Variants in DGKI observed in about 807,000 individuals in gnomAD.
DGKI encodes DAG kinase iota.
DGKI carries 55 observed loss-of-function variants against 147.5 expected under a neutral mutation model. The ratio of observed to expected loss-of-function variants is 0.37; its 90% CI spans 0.30 to 0.47. The LOEUF (loss-of-function observed/expected upper bound fraction) is 0.47, where lower values mean the gene tolerates loss of function less well. Among genes scored for constraint, DGKI ranks in the 20% least tolerant of loss-of-function variants. The pLI is 1.00. For missense variants in DGKI, 1,007 were observed against 1,323.8 expected, an observed-to-expected ratio of 0.76 and a Z score of 3.71; for synonymous variants, 469 against 477.1, an observed-to-expected ratio of 0.98 and a Z score of 0.22.
chr7:137,766,655 C>G (rs898876910), intron 1 of DGKI, among the ~76,000 whole-genome samples: 1 of 152,126 alleles, frequency 6.6e-6, no homozygotes, highest in African/African-American at 2.4e-5. Flanking sequence ...TCAGCACACC[C>G]AGGGCAGGAC....
intron 1 of DGKI, among the ~76,000 whole-genome samples, chr7:137,833,598 T>G (rs998045216): frequency 2.6e-5 from 4 of 152,170 alleles, no homozygotes; most frequent in African/African-American, 9.7e-5. Context: ...ACCTATGCTT[T>G]GAATAAAGAC....
At chr7:137,820,195 G>A (rs1190692248) in intron 1 of DGKI, among the ~76,000 whole-genome samples, 1 of 152,158 alleles carries the variant, frequency 6.6e-6, no homozygotes, top group Non-Finnish European at 1.5e-5. Context: ...GAAAAAAGAT[G>A]AAGGATGCTA....
intron 1 of DGKI, among the ~76,000 whole-genome samples, chr7:137,756,728 G>A (rs1795694923): frequency 6.6e-6 from 1 of 152,038 alleles, no homozygotes; most frequent in South Asian, 2.1e-4. Flanking sequence ...AAAAAAATTA[G>A]TTCCAATTTT....
At chr7:137,821,220 G>A (rs977092935) in intron 1 of DGKI, among the ~76,000 whole-genome samples, 3 of 152,264 alleles carry the variant, frequency 2.0e-5, no homozygotes, top group Admixed American at 1.3e-4. Flanking sequence ...CTTCACGTCC[G>A]TAGTTACTGA....
At position 137,552,380 on chromosome 7, in the gene DGKI, A is replaced by C; in HGVS notation, c.2136T>G (p.Pro712=). The C allele has an allele frequency of 6.2e-7, 1 of 1,613,138 alleles. No individual in the cohort carries two copies. Among genetic ancestry groups the C allele is most frequent in the Non-Finnish European group, 8.5e-7 (1 of 1,180,026 alleles). The change falls in exon 20 of 33, where the codon CCT becomes CCG. Residue 712 remains proline, a synonymous_variant. Coordinates refer to ENST00000614521, the MANE Select transcript of DGKI (RefSeq NM_001321708.2). ...ATGAGCAGACTCACTCATTGAGTAA[A>C]GGCATGGATGTTCTCCTCTTGCTCT... ...VQKSKRRTSM[P]LLNDPQSVPD...
intron 3 of DGKI, among the ~76,000 whole-genome samples, chr7:137,666,702 G>C (rs1412583866): frequency 6.6e-6 from 1 of 152,134 alleles, no homozygotes; most frequent in East Asian, 1.9e-4. Flanking sequence ...GATACTCACT[G>C]TGCCCCTCCA....
intron 1 of DGKI, among the ~76,000 whole-genome samples, chr7:137,736,067 A>G (rs1053003034): frequency 1.3e-5 from 2 of 152,062 alleles, no homozygotes; most frequent in Non-Finnish European, 2.9e-5. Flanking sequence ...AAGCCACTCA[A>G]CATTGGTAAA....
At chr7:137,409,248 T>C (rs1443749373) in intron 29 of DGKI, among the ~76,000 whole-genome samples, 1 of 152,184 alleles carries the variant, frequency 6.6e-6, no homozygotes, top group Non-Finnish European at 1.5e-5. Flanking sequence ...AAAAATACTT[T>C]CTTAAAAAAA....
intron 30 of DGKI, among the ~76,000 whole-genome samples, chr7:137,400,836 C>A (rs1173237911): frequency 1.3e-5 from 2 of 152,196 alleles, no homozygotes; most frequent in South Asian, 2.1e-4. Flanking sequence ...ATTCTCCCAT[C>A]AACATAGATA....
Position 137,401,542 on chromosome 7 carries a change from T to C in DGKI, c.2921-4129A>G, listed in dbSNP as rs79633055. 2.8e-3 allele frequency among the ~76,000 whole-genome samples: 433 copies of C among 152,062 alleles called. 5 individuals are homozygous for C. The highest frequency in any genetic ancestry group is 8.7e-3 in the African/African-American group (363 of 41,504). ...TGTCTCAAAAAAATAAAAATAAAGATAATTGAATTCCTTCAACATATATGA... is the reference window on the plus strand; with the variant it reads ...TGTCTCAAAAAAATAAAAATAAAGACAATTGAATTCCTTCAACATATATGA... On this transcript the variant is annotated intron_variant, in intron 30 of 32. Coordinates refer to ENST00000614521, the MANE Select transcript of DGKI (RefSeq NM_001321708.2).
intron 20 of DGKI, among the ~76,000 whole-genome samples, chr7:137,539,359 G>T (rs980881131): frequency 3.9e-5 from 6 of 152,102 alleles, no homozygotes; most frequent in Admixed American, 6.6e-5. Flanking sequence ...AAGTACCAGG[G>T]ATGACAGCAG....
chr7:137,759,895 T>C (rs566726320), intron 1 of DGKI, among the ~76,000 whole-genome samples: 55 of 152,206 alleles, frequency 3.6e-4, no homozygotes, highest in African/African-American at 1.3e-3. Context: ...TGCCTCATTC[T>C]CCAGAAGTAA....
chr7:137,543,712 T>C (rs1391449992), intron 20 of DGKI, among the ~76,000 whole-genome samples: 2 of 152,038 alleles, frequency 1.3e-5, no homozygotes, highest in Non-Finnish European at 2.9e-5. Flanking sequence ...CAAAAATATA[T>C]AAAATCTCAC....
intron 10 of DGKI, among the ~76,000 whole-genome samples, chr7:137,601,715 T>C (rs1188849047): frequency 6.6e-6 from 1 of 152,206 alleles, no homozygotes; most frequent in Non-Finnish European, 1.5e-5. Flanking sequence ...AATCCTTTTC[T>C]TTTTTGCAGC....
chr7:137,598,549 T>G (rs1277916899), intron 11 of DGKI, among the ~76,000 whole-genome samples: 1 of 152,182 alleles, frequency 6.6e-6, no homozygotes, highest in African/African-American at 2.4e-5. Flanking sequence ...CAAACTTCTC[T>G]GCTTGAAATA....
intron 1 of DGKI, among the ~76,000 whole-genome samples, chr7:137,732,068 T>C (rs928279120): frequency 2.0e-5 from 3 of 152,146 alleles, no homozygotes; most frequent in Non-Finnish European, 4.4e-5. Flanking sequence ...TTCTGTCATC[T>C]GTAACATGGA....
chr7:137,591,629 A>T (rs1328017820), intron 12 of DGKI, among the ~76,000 whole-genome samples: 1 of 152,170 alleles, frequency 6.6e-6, no homozygotes, highest in Non-Finnish European at 1.5e-5. Context: ...CAAGTCATTT[A>T]ATCTCTCTAA....
Position 137,450,505 on chromosome 7 carries a change from G to A in DGKI, c.2736-6403C>T, listed in dbSNP as rs570449679. Reference sequence around the variant, plus strand: ...AGGCCAAGGCGGGCAGATCACCTGAGATCAGGAGTTTGACACCAGCCTGGC... The same window carrying A: ...AGGCCAAGGCGGGCAGATCACCTGAAATCAGGAGTTTGACACCAGCCTGGC... On this transcript the variant is annotated intron_variant, in intron 27 of 32. Coordinates refer to ENST00000614521, the MANE Select transcript of DGKI (RefSeq NM_001321708.2). 1.2e-3 allele frequency among the ~76,000 whole-genome samples: 183 copies of A among 152,242 alleles called. 1 individual carries two copies. The highest frequency in any genetic ancestry group is 4.2e-3 in the African/African-American group (174 of 41,544).
In DGKI at chr7:137,633,539, G is replaced by C. The variant is rs553301286; in HGVS notation, c.805-9985C>G. On this transcript the variant is annotated intron_variant, in intron 6 of 32. Coordinates refer to ENST00000614521, the MANE Select transcript of DGKI (RefSeq NM_001321708.2). ...TGTTTACATTTCCAAAATTATCTAA[G>C]TGCCACCCTTAAAGACTAAAGGAAG... Among the ~76,000 whole-genome samples the C allele has an allele frequency of 8.3e-4, 127 of 152,218 alleles. 1 individual carries two copies. The highest frequency in any genetic ancestry group is 2.8e-3 in the African/African-American group (117 of 41,548).
Sources: allele counts gnomAD v4.1 joint callset (sites outside exome capture counted in the v4.1 genomes callset), GRCh38; gene constraint gnomAD v4.1.1; transcripts MANE v1.5; gene names NCBI Gene and HGNC (gene_info 2026-07-23, HGNC 2026-07-21).